DISP3: variants seen among roughly 807,000 people sequenced by gnomAD.
DISP3 encodes dispatched RND transporter family member 3.
In DISP3, 101 loss-of-function variants were observed where a neutral mutation model predicts 135.3. The ratio of observed to expected loss-of-function variants is 0.75; its 90% CI spans 0.64 to 0.88. The LOEUF is 0.88. Among genes scored for constraint, DISP3 ranks in the 40% least tolerant of loss-of-function variants. The probability of loss-of-function intolerance (pLI) is 0.00; values close to 1 mark genes in which losing one functional copy is unlikely to be tolerated. For missense variants in DISP3, 1,713 were observed against 1,878.6 expected (o/e 0.91, Z 1.63); for synonymous variants, 856 against 817.0 (o/e 1.05, Z -0.81).
At position 11,524,097 on chromosome 1, in the gene DISP3, C is replaced by A. The variant is rs1339995793; in HGVS notation, c.2476+42C>A. On this transcript the variant is annotated intron_variant, in intron 11 of 20. Transcript: ENST00000294484. ...GAGGGTGGGGAAATCCTCCCTGGTG[C>A]TAGGGTTGAAGGCCCTGTAAGGAGA... 8 of 1,469,322 alleles carry A rather than the reference C, an allele frequency of 5.4e-6. No individual in the cohort carries two copies. The East Asian group carries it at 1.8e-4, about 33-fold the overall frequency. 91.0% of individuals were successfully genotyped at this position (1,469,322 alleles called of 1,614,324 possible). A position where few individuals can be genotyped will look rare whatever the true frequency, so the allele number is the denominator to read the frequency against.
At chr1:11,515,188 C>A (rs574309056) in intron 4 of DISP3, among the ~76,000 whole-genome samples, 181 bp from the exon 5 acceptor site, 1 of 152,340 alleles carries the variant, frequency 6.6e-6, no homozygotes, top group South Asian at 2.1e-4. Flanking sequence ...GCCTCCTGCC[C>A]GGTGCCCTTT....
intron 1 of DISP3, among the ~76,000 whole-genome samples, chr1:11,498,043 G>A (rs887514606): frequency 3.3e-5 from 5 of 152,220 alleles, no homozygotes; most frequent in African/African-American, 9.6e-5. Context: ...TCACTGGGAG[G>A]TGGAGTGGCT....
chr1:11,534,312 G>A (rs1188117778), intron 17 of DISP3, 69 bp from the exon 18 acceptor site: 2 of 1,577,682 alleles, frequency 1.3e-6, no homozygotes, highest in East Asian at 2.2e-5. Context: ...GAACAGACCA[G>A]CCATGCCTGG....
At chr1:11,527,365 C>T (rs1419324954) in intron 13 of DISP3, among the ~76,000 whole-genome samples, 1 of 152,064 alleles carries the variant, frequency 6.6e-6, no homozygotes, top group East Asian at 1.9e-4. Context: ...CTGGCTAACA[C>T]AGTGAAACTC....
At chr1:11,512,047 TG>T (rs1340391695) in intron 3 of DISP3, among the ~76,000 whole-genome samples, 1 of 152,186 alleles carries the variant, frequency 6.6e-6, no homozygotes, top group Non-Finnish European at 1.5e-5. Flanking sequence ...GTCCCTAGGC[TG>T]CACACAGCGT....
chr1:11,519,327 T>C lies in DISP3; in HGVS notation c.1890-28T>C. 1 of 1,608,400 alleles carries C rather than the reference T, an allele frequency of 6.2e-7. No individual in the cohort carries two copies. The highest frequency in any genetic ancestry group is 1.1e-5 in the South Asian group (1 of 90,602). On this transcript the variant is annotated intron_variant, in intron 7 of 20. Coordinates refer to ENST00000294484, the MANE Select transcript of DISP3 (RefSeq NM_020780.2). The surrounding 1 kb of genome is among the most constrained non-coding windows in gnomAD (Gnocchi z 4.3). ...CCCTGGGTACCCAGGACCCTCTGGT[T>C]CACCCCTGTCCCCTACTCTCTCCAC...
intron 1 of DISP3, among the ~76,000 whole-genome samples, chr1:11,480,206 C>G (rs1339096140): frequency 6.6e-6 from 1 of 152,188 alleles, no homozygotes; most frequent in African/African-American, 2.4e-5. Context: ...TCCCGCTGTC[C>G]CCCACTCACT....
rs1319356850 is a variant in DISP3 at position 11,525,156 on chromosome 1, C to T, written c.2477-20C>T. 1 of 1,612,350 alleles carries T rather than the reference C, an allele frequency of 6.2e-7. No homozygotes were observed. Among genetic ancestry groups the T allele is most frequent in the East Asian group, 2.2e-5 (1 of 44,800 alleles). ...GTCGAGGTCAAGTCCACCCCTCTTT[C>T]ATCCCTTATTTGTCCGTAGATTTCC... On this transcript the variant is annotated intron_variant, in intron 11 of 20. Transcript: ENST00000294484.
intron 3 of DISP3, among the ~76,000 whole-genome samples, chr1:11,503,575 GA>G (rs1641615509): frequency 6.6e-6 from 1 of 152,044 alleles, no homozygotes; most frequent in Non-Finnish European, 1.5e-5. Flanking sequence ...CTCCAGGGGG[GA>G]AAGAGAGAGA....
Position 11,502,658 on chromosome 1 carries a change from C to T in DISP3, c.1097-20C>T. ...AGCTGACCAGCTGAACTCTTGGGGC[C>T]CCCACCCCTGTCCTTGCAGGCTCCC... On this transcript the variant is annotated intron_variant, in intron 2 of 20. Coordinates refer to ENST00000294484, the MANE Select transcript of DISP3 (RefSeq NM_020780.2). 1 of 1,607,800 alleles carries T rather than the reference C, an allele frequency of 6.2e-7. No individual in the cohort carries two copies. The highest frequency in any genetic ancestry group is 8.5e-7 in the Non-Finnish European group (1 of 1,176,362).
At chr1:11,526,946 T>C (rs1054690154) in intron 13 of DISP3, 111 bp downstream of exon 13, 2 of 1,101,354 alleles carry the variant, frequency 1.8e-6, no homozygotes, top group Non-Finnish European at 2.4e-6. Context: ...CCCCCTCACT[T>C]TTTTTTTTTT....
intron 12 of DISP3, 109 bp downstream of exon 12, chr1:11,525,421 G>A (rs1642385455): frequency 1.5e-6 from 2 of 1,320,384 alleles, no homozygotes; most frequent in Admixed American, 3.0e-5. Context: ...AAGCAGCTTT[G>A]AGGATGAAGA....
In DISP3 at chr1:11,501,691, G is replaced by C; in HGVS notation, c.699G>C (p.Gln233His). The C allele has an allele frequency of 6.2e-7, 1 of 1,603,320 alleles. No individual in the cohort carries two copies. Among genetic ancestry groups the C allele is most frequent in the Non-Finnish European group, 8.5e-7 (1 of 1,175,460 alleles). ...GGCTGAGCAAGAATGGGCGGTACCAGCCCAGCATCCCGCCCCACGCGGCAG... is the reference window on the plus strand; with the variant it reads ...GGCTGAGCAAGAATGGGCGGTACCACCCCAGCATCCCGCCCCACGCGGCAG... ...NQRLSKNGRYQPSIPPHAAVA... is the reference protein window; with the variant it reads ...NQRLSKNGRYHPSIPPHAAVA... Residue 233 changes from glutamine (Q) to histidine (H), a missense_variant, in exon 2 of 21, where the codon CAG becomes CAC. By Grantham distance (24) the Gln-to-His change is conservative. Coordinates refer to ENST00000294484, the MANE Select transcript of DISP3 (RefSeq NM_020780.2). This position sits in a 1 kb window ranked among gnomAD's most constrained non-coding sequence, Gnocchi z 4.9.
In DISP3 at chr1:11,519,447, G is replaced by C. The variant is rs2072993; in HGVS notation, c.1982G>C (p.Gly661Ala). The change falls in exon 8 of 21, where the codon GGC becomes GCC. Residue 661 changes from glycine to alanine, a missense_variant. Gly to Ala is a moderately conservative substitution (Grantham distance 60, BLOSUM62 0). Transcript: ENST00000294484. The surrounding 1 kb of genome is among the most constrained non-coding windows in gnomAD (Gnocchi z 4.3). ...CAGGTTGGAGGCAGCCCTGCCCAGG[G>C]CCCCATACCCTACCTGGATGATGAC... is the stretch of plus-strand genomic sequence containing the variant. ...PEQVGGSPAQGPIPYLDDDIP... is the reference protein window; with the variant it reads ...PEQVGGSPAQAPIPYLDDDIP... The C allele has an allele frequency of 0.15, 245,961 of 1,613,636 alleles. 21,434 individuals carry two copies. Among genetic ancestry groups the C allele is most frequent in the East Asian group, 0.45 (20,003 of 44,868 alleles).
Position 11,536,472 on chromosome 1 carries a change from T to C in DISP3, c.3965T>C (p.Val1322Ala), listed in dbSNP as rs781155354. 3 of 1,613,638 alleles carry C rather than the reference T, an allele frequency of 1.9e-6. No individual in the cohort carries two copies. Among genetic ancestry groups the C allele is most frequent in the Admixed American group, 3.3e-5 (2 of 60,036 alleles). ...CCATTTGCCAAGTTCGGCAAGATTG[T>C]GGCACTCAACACGGGCGTGTCCATC... ...IAPFAKFGKI[V>A]ALNTGVSILY... The change falls in exon 21 of 21, where the codon GTG (valine) becomes GCG (alanine). Residue 1322 changes from valine (V) to alanine (A), a missense_variant. Val to Ala is a moderately conservative substitution (Grantham distance 64). Around this residue, in one of 2 missense-constraint regions of DISP3, gnomAD observed 1,142 missense variants for 1,384.6 expected, o/e 0.82. Transcript: ENST00000294484. This position sits in a 1 kb window ranked among gnomAD's most constrained non-coding sequence, Gnocchi z 4.3.
chr1:11,508,858 C>T (rs1328309334), intron 3 of DISP3, among the ~76,000 whole-genome samples: 4 of 152,102 alleles, frequency 2.6e-5, no homozygotes, highest in Non-Finnish European at 5.9e-5. Context: ...TATTGTGCTA[C>T]CCATTTCAAT....
intron 1 of DISP3, among the ~76,000 whole-genome samples, chr1:11,494,624 T>C (rs1304725452): frequency 6.6e-6 from 1 of 152,208 alleles, no homozygotes; most frequent in Non-Finnish European, 1.5e-5. Flanking sequence ...ATAACTCATT[T>C]TGAGCTTCTG....
chr1:11,507,981 T>G (rs888251854), intron 3 of DISP3, among the ~76,000 whole-genome samples: 4 of 152,248 alleles, frequency 2.6e-5, no homozygotes, highest in African/African-American at 9.6e-5. Flanking sequence ...AATCCAGAGA[T>G]CCTTTCAACT....
At chr1:11,510,890 A>G (rs1192895580) in intron 3 of DISP3, among the ~76,000 whole-genome samples, 2 of 152,344 alleles carry the variant, frequency 1.3e-5, no homozygotes, top group South Asian at 2.1e-4. Flanking sequence ...TCAGTTCCAC[A>G]TGGCTGGGGA....
Sources: allele counts gnomAD v4.1 joint callset (sites outside exome capture counted in the v4.1 genomes callset), GRCh38; gene constraint gnomAD v4.1.1; regional missense constraint gnomAD v4.1.1; non-coding constraint Gnocchi (gnomAD v3.1); transcripts MANE v1.5; gene names NCBI Gene and HGNC (gene_info 2026-07-23, HGNC 2026-07-21).